TBL1X: variants seen among roughly 807,000 people sequenced by gnomAD.
TBL1X encodes the protein transducin beta like 1 X-linked, also known as F-box-like/WD repeat-containing protein TBL1X.
TBL1X carries 10 observed loss-of-function variants against 50.7 expected under a neutral mutation model. The observed-to-expected ratio is 0.20, with a 90% CI of 0.12 to 0.33. The LOEUF (loss-of-function observed/expected upper bound fraction) is 0.33, where lower values mean the gene tolerates loss of function less well. TBL1X is among the 10% of genes least tolerant of loss of function. The probability of loss-of-function intolerance (pLI) is 1.00; values close to 1 mark genes in which losing one functional copy is unlikely to be tolerated. For missense variants in TBL1X, 340 were observed against 504.4 expected, an observed-to-expected ratio of 0.67 and a Z score of 3.12; for synonymous variants, 190 against 214.7, an observed-to-expected ratio of 0.88 and a Z score of 1.01.
intron 16 of TBL1X, 144 bp downstream of exon 16, chrX:9,711,920 C>T (rs982983183): frequency 1.3e-5 from 8 of 596,720 alleles, no homozygotes; most frequent in East Asian, 8.4e-5. Context: ...ATGCTGTCCA[C>T]GTGCACCCCA....
At chrX:9,677,987 A>G (rs1376772537) in intron 5 of TBL1X, among the ~76,000 whole-genome samples, 1 of 111,264 alleles carries the variant, frequency 9.0e-6, no homozygotes, top group Non-Finnish European at 1.9e-5. Context: ...AAGAAATGGT[A>G]CCAAATTCTT....
intron 2 of TBL1X, among the ~76,000 whole-genome samples, chrX:9,599,697 A>G (rs764291282): frequency 3.5e-5 from 4 of 112,699 alleles, no homozygotes; most frequent in Non-Finnish European, 7.5e-5. Flanking sequence ...CTTCTGGCAC[A>G]GTTGATTCAG....
intron 12 of TBL1X, among the ~76,000 whole-genome samples, chrX:9,704,207 T>A (rs1244195945): frequency 8.9e-6 from 1 of 112,262 alleles, no homozygotes; most frequent in Admixed American, 9.4e-5. Context: ...AAGGGGTTTT[T>A]ATTGACCCTA....
intron 1 of TBL1X, among the ~76,000 whole-genome samples, chrX:9,474,641 A>G (rs2081838212): frequency 8.8e-6 from 1 of 113,142 alleles, no homozygotes; most frequent in Admixed American, 9.3e-5. Flanking sequence ...TCCACAAGGA[A>G]ACCTTGGAAC....
intron 2 of TBL1X, among the ~76,000 whole-genome samples, chrX:9,566,450 T>C (rs1345938752): frequency 1.8e-5 from 2 of 111,624 alleles, no homozygotes; most frequent in East Asian, 5.6e-4. Flanking sequence ...CTGGAGCAAA[T>C]GAAGCGGTTT....
At chrX:9,623,785 G>T (rs997279304) in intron 2 of TBL1X, among the ~76,000 whole-genome samples, 15 of 112,307 alleles carry the variant, frequency 1.3e-4, no homozygotes, top group African/African-American at 4.9e-4. Flanking sequence ...GCCCAACTCC[G>T]TGGGCTTTTC....
chrX:9,507,546 C>T (rs2082032293), intron 2 of TBL1X, among the ~76,000 whole-genome samples: 1 of 112,261 alleles, frequency 8.9e-6, no homozygotes, highest in Non-Finnish European at 1.9e-5. Flanking sequence ...AATGTTGTTC[C>T]TGTCAAACTA....
chrX:9,551,069 A>G (rs942399697), intron 2 of TBL1X, among the ~76,000 whole-genome samples: 4 of 111,183 alleles, frequency 3.6e-5, no homozygotes, highest in African/African-American at 1.3e-4. Context: ...TTTTTAATGG[A>G]AAATATATGT....
chrX:9,582,956 ACAT>A (rs2082450018), intron 2 of TBL1X, among the ~76,000 whole-genome samples: 1 of 112,745 alleles, frequency 8.9e-6, no homozygotes, highest in Admixed American at 9.3e-5. Flanking sequence ...CAGATCTCAG[ACAT>A]CATGTGATTT....
At chrX:9,503,348 T>C (rs2681659) in intron 2 of TBL1X, among the ~76,000 whole-genome samples, 48,024 of 112,016 alleles carry the variant, frequency 0.43, 7,591 homozygotes, top group Admixed American at 0.56. Flanking sequence ...CAGGGCCTCG[T>C]GTCCCAGCCC....
intron 2 of TBL1X, chrX:9,530,913 G>C (rs766644373): frequency 9.0e-6 from 1 of 111,680 alleles, no homozygotes; most frequent in Non-Finnish European, 1.9e-5. Context: ...AAAATGGACC[G>C]AGCATCACGT....
chrX:9,473,208 G>A (rs2081828584), intron 1 of TBL1X, among the ~76,000 whole-genome samples: 1 of 111,842 alleles, frequency 8.9e-6, no homozygotes, highest in Non-Finnish European at 1.9e-5. Flanking sequence ...CGAAAGCGTA[G>A]AGAATTGATA....
At chrX:9,504,080 G>A (rs1208557694) in intron 2 of TBL1X, among the ~76,000 whole-genome samples, 19 of 111,601 alleles carry the variant, frequency 1.7e-4, no homozygotes. Context: ...CCAGAAGAAG[G>A]AGTAGGCACC....
At chrX:9,509,189 C>T (rs1354190477) in intron 2 of TBL1X, among the ~76,000 whole-genome samples, 2 of 106,550 alleles carry the variant, frequency 1.9e-5, no homozygotes, top group Admixed American at 1.0e-4. Context: ...AGATCGAAAT[C>T]ATCCTGGCTA....
At chrX:9,530,855 A>G (rs1011443549) in intron 2 of TBL1X, 1 of 111,529 alleles carries the variant, frequency 9.0e-6, no homozygotes, top group Non-Finnish European at 1.9e-5. Flanking sequence ...CCCTCCCTCC[A>G]TTACATTTTT....
intron 6 of TBL1X, among the ~76,000 whole-genome samples, chrX:9,687,136 C>A (rs751784242): frequency 6.2e-5 from 7 of 112,123 alleles, no homozygotes; most frequent in Non-Finnish European, 9.4e-5. Context: ...GAATATCTGG[C>A]GTGTTTCACA....
Position 9,719,551 on chromosome X carries a change from T to C in TBL1X, c.*3305T>C, listed in dbSNP as rs759032024. On this transcript the variant is annotated 3_prime_UTR_variant, in exon 18 of 18. Transcript: ENST00000645353. The stretch of plus-strand genomic sequence containing the variant: ...GACGTACAGCCAGACATGTTCTCTA[T>C]TGGCATTTTTCCGATTCTGTTCAGA... The C allele has an allele frequency of 8.9e-6, 1 of 111,749 alleles. No homozygotes were observed. Among genetic ancestry groups the C allele is most frequent in the African/African-American group, 3.3e-5 (1 of 30,662 alleles). The allele number at this position is 111,749 out of a possible 1,213,427, so 9.2% of individuals were successfully genotyped here.
chrX:9,702,441 CAAAAA>C (rs368394481), intron 12 of TBL1X, among the ~76,000 whole-genome samples: 6 of 45,191 alleles, frequency 1.3e-4, no homozygotes, highest in Non-Finnish European at 2.6e-4. Flanking sequence ...GATCCTGTCT[CAAAAA>C]AAAAAAAAAA....
At chrX:9,485,930 G>A (rs2081909911) in intron 1 of TBL1X, among the ~76,000 whole-genome samples, 1 of 110,760 alleles carries the variant, frequency 9.0e-6, no homozygotes, top group Admixed American at 9.7e-5. Context: ...TTTAAGTTTG[G>A]GGAAAGGTAA....
Sources: gnomAD v4.1 joint callset for allele counts (sites outside exome capture counted in the v4.1 genomes callset) on GRCh38, gnomAD v4.1.1 for gene constraint, MANE v1.5 for transcripts, NCBI Gene and HGNC (gene_info 2026-07-23, HGNC 2026-07-21) for gene names.